CHD3: variants seen among roughly 807,000 people sequenced by gnomAD.
CHD3 encodes the protein ATP-dependent chromatin remodeler CHD3.
CHD3 carries 52 observed loss-of-function variants against 248.9 expected under a neutral mutation model. That is an observed-to-expected ratio of 0.21 (90% CI 0.17 to 0.26). CHD3 has a LOEUF of 0.26. CHD3 is among the 10% of genes least tolerant of loss of function. CHD3 has a pLI of 1.00. For missense variants in CHD3, 1,482 were observed against 2,605.8 expected, an observed-to-expected ratio of 0.57 and a Z score of 9.39; for synonymous variants, 985 against 985.2, an observed-to-expected ratio of 1.00 and a Z score of 0.00.
Position 7,900,234 on chromosome 17 carries a change from C to A in CHD3, c.2683-56C>A. ...GCAGGGAAAGGCTGATGCTGTGGGTCGGTCACTTGTCACTAATAAGCCCAT... is the reference window on the plus strand; with the variant it reads ...GCAGGGAAAGGCTGATGCTGTGGGTAGGTCACTTGTCACTAATAAGCCCAT... On this transcript the variant is annotated intron_variant, in intron 16 of 39. Coordinates refer to ENST00000330494, the MANE Select transcript of CHD3 (RefSeq NM_001005273.3). The surrounding 1 kb of genome is among the most constrained non-coding windows in gnomAD (Gnocchi z 6.5). 1 of 1,608,200 alleles carries A rather than the reference C, an allele frequency of 6.2e-7. No homozygotes were observed. Among genetic ancestry groups the A allele is most frequent in the South Asian group, 1.1e-5 (1 of 90,360 alleles).
At position 7,909,126 on chromosome 17, in the gene CHD3, C is replaced by T; in HGVS notation, c.5395-17C>T. 6.4e-7 allele frequency: 1 copy of T among 1,552,316 alleles called. No homozygotes were observed. The highest frequency in any genetic ancestry group is 8.7e-7 in the Non-Finnish European group (1 of 1,148,490). ...CTGGCAGAGCCCTACCTTCACCTCC[C>T]AACTCTGTGCCCTCAGCTCCTGGAG... On this transcript the variant is annotated splice_polypyrimidine_tract_variant and intron_variant, in intron 36 of 39. Transcript: ENST00000330494. This position sits in a 1 kb window ranked among gnomAD's most constrained non-coding sequence, Gnocchi z 8.1.
rs141834994 is a variant in CHD3, at chr17:7,893,496, C to T, written c.720C>T (p.Pro240=). The part of the protein sequence containing the change: ...SATPIAPSGP[P]ALPPPPAADI... Reference sequence around the variant, plus strand: ...CCCCCATAGCACCCTCCGGACCCCCCGCCCTTCCACCACCCCCTGCTGCTG... The same window carrying T: ...CCCCCATAGCACCCTCCGGACCCCCTGCCCTTCCACCACCCCCTGCTGCTG... The change falls in exon 5 of 40, where the codon CCC becomes CCT. Residue 240 remains proline (P), a synonymous_variant. Coordinates refer to ENST00000330494, the MANE Select transcript of CHD3 (RefSeq NM_001005273.3). 3.3e-4 allele frequency: 512 copies of T among 1,570,776 alleles called. No homozygotes were observed. Among genetic ancestry groups the T allele is most frequent in the East Asian group, 1.5e-3 (67 of 44,490 alleles).
rs375871584 is a variant in CHD3 at position 7,899,176 on chromosome 17, G to A, written c.2317G>A (p.Val773Ile). The change falls in exon 14 of 40, where the codon GTC (valine) becomes ATC (isoleucine). Residue 773 changes from valine (V) to isoleucine (I), a missense_variant. By Grantham distance (29) the Val-to-Ile change is conservative. This residue lies in a region of CHD3 where 18 missense variants were observed against 88.8 expected (regional missense o/e 0.20). Coordinates refer to ENST00000330494, the MANE Select transcript of CHD3 (RefSeq NM_001005273.3). The surrounding 1 kb of genome is among the most constrained non-coding windows in gnomAD (Gnocchi z 6.8). ...GCTAGGCAAGACCATACAAACCATC[G>A]TCTTCCTCTACTCACTCTACAAGGA... The part of the protein sequence containing the change: ...MGLGKTIQTI[V>I]FLYSLYKEGH... 1.5e-5 allele frequency: 25 copies of A among 1,613,818 alleles called. No homozygotes were observed. Among genetic ancestry groups the A allele is most frequent in the Non-Finnish European group, 1.9e-5 (22 of 1,179,956 alleles).
Position 7,898,073 on chromosome 17 carries a change from A to G in CHD3, c.2022A>G (p.Glu674=). 1 of 1,614,124 alleles carries G rather than the reference A, an allele frequency of 6.2e-7. No homozygotes were observed. The highest frequency in any genetic ancestry group is 8.5e-7 in the Non-Finnish European group (1 of 1,180,000). The change falls in exon 12 of 40, where the codon GAA becomes GAG. Residue 674 remains glutamate (E), a synonymous_variant. Coordinates refer to ENST00000330494, the MANE Select transcript of CHD3 (RefSeq NM_001005273.3). ...ATGAAATGAATATCCCTGAATACGAAGAACATAAGCAAAGCTACTGGAGAC... is the reference window on the plus strand; with the variant it reads ...ATGAAATGAATATCCCTGAATACGAGGAACATAAGCAAAGCTACTGGAGAC... ...EEDEMNIPEY[E]EHKQSYWRHR...
chr17:7,907,292 G>C lies in CHD3; in HGVS notation c.4788+45G>C, dbSNP rs766562691. 2.2e-5 allele frequency: 36 copies of C among 1,613,504 alleles called. No homozygotes were observed. In the Middle Eastern group the frequency reaches 8.2e-4, roughly 37 times the overall value. On this transcript the variant is annotated intron_variant, in intron 31 of 39. Coordinates refer to ENST00000330494, the MANE Select transcript of CHD3 (RefSeq NM_001005273.3). This position sits in a 1 kb window ranked among gnomAD's most constrained non-coding sequence, Gnocchi z 4.3. ...CCCCTGTGGAGCGGGAGGGGAGGGG[G>C]CTTGGAGGCCAGGTACCTGGGAGCC... is the stretch of plus-strand genomic sequence containing the variant.
chr17:7,891,202 A>G (rs1016115511), intron 4 of CHD3, 138 bp downstream of exon 4: 44 of 1,031,568 alleles, frequency 4.3e-5, no homozygotes, highest in Non-Finnish European at 5.8e-5. Flanking sequence ...TCTACACGTC[A>G]TTTCAGGGAA....
At chr17:7,894,681 C>T (rs780847268) in intron 8 of CHD3, 73 bp downstream of exon 8, 281 of 1,489,116 alleles carry the variant, frequency 1.9e-4, no homozygotes, top group Non-Finnish European at 2.3e-4. Flanking sequence ...TTTCACTTAC[C>T]CTCTTCCTGC....
chr17:7,888,226 C>T (rs539392154), upstream of CHD3, among the ~76,000 whole-genome samples: 198 of 152,312 alleles, frequency 1.3e-3, no homozygotes, highest in African/African-American at 4.4e-3. Flanking sequence ...AGAGTGTCTT[C>T]CTGCACAAGG....
chr17:7,888,736 G>C (rs940875233), upstream of CHD3: 21 of 1,138,070 alleles, frequency 1.8e-5, no homozygotes, highest in Non-Finnish European at 2.3e-5. Context: ...GGGTGCGCGC[G>C]TGCGCGCGCG....
At chr17:7,886,470 A>T (rs1052997230), upstream of CHD3, among the ~76,000 whole-genome samples, 1 of 152,116 alleles carries the variant, frequency 6.6e-6, no homozygotes, top group African/African-American at 2.4e-5. This position sits in a 1 kb window ranked among gnomAD's most constrained non-coding sequence, Gnocchi z 4.2. Flanking sequence ...TAAAACTGTC[A>T]TATTGATCCG....
chr17:7,885,135 CGCGAAGCCGG>C, upstream of CHD3: 7 of 981,242 alleles, frequency 7.1e-6, no homozygotes, highest in Non-Finnish European at 8.4e-6. Context: ...GCCGCGGGCG[CGCGAAGCCGG>C]GCGGGGGCGA....
Position 7,894,252 on chromosome 17 carries a change from G to T in CHD3, c.1062G>T (p.Arg354Ser). 1 of 1,613,172 alleles carries T rather than the reference G, an allele frequency of 6.2e-7. No individual in the cohort carries two copies. The highest frequency in any genetic ancestry group is 1.1e-5 in the South Asian group (1 of 90,982). ...TKKLKRGRPGRKKKKVLGCPA... is the reference protein window; with the variant it reads ...TKKLKRGRPGSKKKKVLGCPA... Reference sequence around the variant, plus strand: ...AACTAAAGAGAGGCCGGCCAGGAAGGAAGAAGAAGAAGGGTAAGGAGTGTT... The same window carrying T: ...AACTAAAGAGAGGCCGGCCAGGAAGTAAGAAGAAGAAGGGTAAGGAGTGTT... The change falls in exon 7 of 40, where the codon AGG becomes AGT. Residue 354 changes from arginine (R) to serine (S), a missense_variant. Physicochemically the swap from Arg to Ser is moderately radical, Grantham distance 110. Coordinates refer to ENST00000330494, the MANE Select transcript of CHD3 (RefSeq NM_001005273.3).
rs1014915792 is a variant in CHD3, at chr17:7,910,757, G to A, written c.5755-90G>A. 5 of 1,532,982 alleles carry A rather than the reference G, an allele frequency of 3.3e-6. No individual in the cohort carries two copies. The highest frequency in any genetic ancestry group is 2.8e-5 in the African/African-American group (2 of 71,950). The allele number at this position is 1,532,982 out of a possible 1,614,324, so 95.0% of individuals were successfully genotyped here. A position where few individuals can be genotyped will look rare whatever the true frequency, so the allele number is the denominator to read the frequency against. Reference sequence around the variant, plus strand: ...CCTGTGTATCCTACCCTTAGCAGTTGTGGAGTGTGGCTCATAATGTCTCTC... The same window carrying A: ...CCTGTGTATCCTACCCTTAGCAGTTATGGAGTGTGGCTCATAATGTCTCTC... On this transcript the variant is annotated intron_variant, in intron 38 of 39. Coordinates refer to ENST00000330494, the MANE Select transcript of CHD3 (RefSeq NM_001005273.3). The surrounding 1 kb of genome is among the most constrained non-coding windows in gnomAD (Gnocchi z 4.7).
Position 7,889,869 on chromosome 17 carries a change from G to A in CHD3, c.213+93G>A, listed in dbSNP as rs1024067287. ...CTCTGGTCCTGATTACTGGTGTGGG[G>A]GTGGGGTTCTGAAGCCAGGGAGGCT... On this transcript the variant is annotated intron_variant, in intron 2 of 39. Transcript: ENST00000330494. This position sits in a 1 kb window ranked among gnomAD's most constrained non-coding sequence, Gnocchi z 4.5. The A allele has an allele frequency of 3.6e-4, 458 of 1,285,536 alleles. 1 individual carries two copies. Among genetic ancestry groups the A allele is most frequent in the Non-Finnish European group, 2.3e-4 (213 of 914,806 alleles). The allele number at this position is 1,285,536 out of a possible 1,614,324, so 79.6% of individuals were successfully genotyped here. A position where few individuals can be genotyped will look rare whatever the true frequency, so the allele number is the denominator to read the frequency against.
chr17:7,886,992 C>T (rs1197847027), upstream of CHD3, among the ~76,000 whole-genome samples: 1 of 152,172 alleles, frequency 6.6e-6, no homozygotes, highest in African/African-American at 2.4e-5. The surrounding 1 kb of genome is among the most constrained non-coding windows in gnomAD (Gnocchi z 4.2). Context: ...AAACCCACCT[C>T]CCCTCTCCCC....
chr17:7,909,496 G>A lies in CHD3; in HGVS notation c.5590+158G>A, dbSNP rs1971391285. Reference sequence around the variant, plus strand: ...ACTCCTACCGACCTGGCACCCCCTTGGATTTTAGCCTCTAGGACTTGTGCA... The same window carrying A: ...ACTCCTACCGACCTGGCACCCCCTTAGATTTTAGCCTCTAGGACTTGTGCA... On this transcript the variant is annotated intron_variant, in intron 37 of 39. Coordinates refer to ENST00000330494, the MANE Select transcript of CHD3 (RefSeq NM_001005273.3). The surrounding 1 kb of genome is among the most constrained non-coding windows in gnomAD (Gnocchi z 8.1). 7 of 1,113,920 alleles carry A rather than the reference G, an allele frequency of 6.3e-6. 1 individual carries two copies. The South Asian group carries it at 1.2e-4, about 19-fold the overall frequency. The allele number at this position is 1,113,920 out of a possible 1,614,324, so 69.0% of individuals were successfully genotyped here.
Position 7,906,764 on chromosome 17 carries a change from G to C in CHD3, c.4503+67G>C. Reference sequence around the variant, plus strand: ...TAGTCTCTGTCCTTCCTCTGCCTCTGTCCCTGAGTTGTAAGCTTGCGCTGG... The same window carrying C: ...TAGTCTCTGTCCTTCCTCTGCCTCTCTCCCTGAGTTGTAAGCTTGCGCTGG... On this transcript the variant is annotated intron_variant, in intron 29 of 39. Transcript: ENST00000330494. This position sits in a 1 kb window ranked among gnomAD's most constrained non-coding sequence, Gnocchi z 5.0. 1.3e-6 allele frequency: 2 copies of C among 1,585,304 alleles called. No individual in the cohort carries two copies. The highest frequency in any genetic ancestry group is 4.5e-5 in the East Asian group (2 of 44,604).
chr17:7,906,036 T>C lies in CHD3; in HGVS notation c.4358+47T>C. The C allele has an allele frequency of 6.2e-7, 1 of 1,610,464 alleles. No individual in the cohort carries two copies. Among genetic ancestry groups the C allele is most frequent in the Non-Finnish European group, 8.5e-7 (1 of 1,178,082 alleles). On this transcript the variant is annotated intron_variant, in intron 28 of 39. Coordinates refer to ENST00000330494, the MANE Select transcript of CHD3 (RefSeq NM_001005273.3). This position sits in a 1 kb window ranked among gnomAD's most constrained non-coding sequence, Gnocchi z 5.0. ...CTGAGTTGGACGCAAGGGGAAGAGC[T>C]TTGGGTGTTCCTTTCTTCCTTGGGG...
chr17:7,902,520 T>G (rs1970440260), intron 20 of CHD3, 90 bp from the exon 21 acceptor site: 1 of 775,252 alleles, frequency 1.3e-6, no homozygotes, highest in South Asian at 1.6e-5. Context: ...GTGTAAAGAT[T>G]AGGGTTGAGT....
Sources: gnomAD v4.1 joint callset for allele counts (sites outside exome capture counted in the v4.1 genomes callset) on GRCh38, gnomAD v4.1.1 for gene constraint, gnomAD v4.1.1 regional missense constraint, Gnocchi (gnomAD v3.1) non-coding constraint, MANE v1.5 for transcripts, NCBI Gene and HGNC (gene_info 2026-07-23, HGNC 2026-07-21) for gene names.